PKIB: variants seen among roughly 807,000 people sequenced by gnomAD.
The protein encoded by PKIB is PKI-beta.
A neutral mutation model predicts 4.5 loss-of-function variants in PKIB; 2 were observed. That is an observed-to-expected ratio of 0.44 (90% CI 0.18 to 1.39). The LOEUF (loss-of-function observed/expected upper bound fraction) is 1.39. Among genes scored for constraint, PKIB ranks in the 40% most tolerant of loss-of-function variants. The pLI is 0.27. For synonymous variants in PKIB, 38 were observed against 36.0 expected (o/e 1.06, Z -0.20); for missense variants, 94 against 92.6 (o/e 1.02, Z -0.06).
intron 4 of PKIB, among the ~76,000 whole-genome samples, chr6:122,723,981 C>A (rs548442308): frequency 2.0e-5 from 3 of 152,232 alleles, no homozygotes; most frequent in Admixed American, 2.0e-4. Flanking sequence ...GTAGTACATG[C>A]TTAATAAATA....
chr6:122,688,505 T>G (rs1778183595), intron 3 of PKIB, among the ~76,000 whole-genome samples: 1 of 152,118 alleles, frequency 6.6e-6, no homozygotes. Context: ...CTGTTTTTTT[T>G]GGAATACTTT....
intron 2 of PKIB, among the ~76,000 whole-genome samples, chr6:122,519,458 C>A (rs1269172936): frequency 1.3e-5 from 2 of 152,144 alleles, no homozygotes; most frequent in African/African-American, 4.8e-5. Context: ...CCACATCCCC[C>A]ACCTCCGTCT....
chr6:122,560,659 A>G (rs371863686), intron 2 of PKIB, among the ~76,000 whole-genome samples: 12 of 152,014 alleles, frequency 7.9e-5, no homozygotes, highest in African/African-American at 2.7e-4. Flanking sequence ...CTGTGAATCC[A>G]TCTGGTCCTG....
At chr6:122,639,432 A>G (rs1394235737) in intron 2 of PKIB, among the ~76,000 whole-genome samples, 1 of 152,182 alleles carries the variant, frequency 6.6e-6, no homozygotes, top group African/African-American at 2.4e-5. Context: ...TCAATTCTTC[A>G]TTCCGTAAGT....
Position 122,521,586 on chromosome 6 carries a change from A to G in PKIB, c.-248+43647A>G, listed in dbSNP as rs535044164. Among the ~76,000 whole-genome samples, 5 of 152,236 alleles carry G rather than the reference A, an allele frequency of 3.3e-5. No individual in the cohort carries two copies. In the South Asian group the frequency reaches 1.0e-3, roughly 32 times the overall value. On this transcript the variant is annotated intron_variant, in intron 2 of 6. Transcript: ENST00000392491. Reference sequence around the variant, plus strand: ...TCCCAGCTACTCAGGAGGCTGAGGCAGGAGAATGGCATGAACACAGGAGGC... The same window carrying G: ...TCCCAGCTACTCAGGAGGCTGAGGCGGGAGAATGGCATGAACACAGGAGGC...
intron 1 of PKIB, among the ~76,000 whole-genome samples, chr6:122,627,427 A>G (rs1027207667): frequency 3.9e-5 from 6 of 152,186 alleles, no homozygotes; most frequent in African/African-American, 1.4e-4. Flanking sequence ...GATTTGATCA[A>G]TTGAGTGTAT....
intron 2 of PKIB, among the ~76,000 whole-genome samples, chr6:122,554,774 G>A (rs547976892): frequency 6.6e-6 from 1 of 152,134 alleles, no homozygotes; most frequent in African/African-American, 2.4e-5. Flanking sequence ...CAAGGCTGGG[G>A]CACCAAAAAA....
chr6:122,508,370 C>T lies in PKIB; in HGVS notation c.-248+30431C>T, dbSNP rs9482247. Among the ~76,000 whole-genome samples, 106 of 152,250 alleles carry T rather than the reference C, an allele frequency of 7.0e-4. 1 individual carries two copies. The highest frequency in any genetic ancestry group is 2.1e-3 in the African/African-American group (89 of 41,548). ...AAGGGTTAACACCAGTTTTTTGATG[C>T]GGTAGTTGTAGTACCTGGCACTGAG... is the stretch of plus-strand genomic sequence containing the variant. On this transcript the variant is annotated intron_variant, in intron 2 of 6. Coordinates refer to the PKIB transcript ENST00000392491.
intron 3 of PKIB, among the ~76,000 whole-genome samples, chr6:122,707,531 A>G (rs749715434): frequency 5.1e-4 from 78 of 152,062 alleles, no homozygotes; most frequent in Non-Finnish European, 8.1e-4. Flanking sequence ...TTTTATACCC[A>G]TTTTATTTAT....
chr6:122,702,972 A>G (rs972844902), intron 3 of PKIB, among the ~76,000 whole-genome samples: 2 of 152,198 alleles, frequency 1.3e-5, no homozygotes, highest in African/African-American at 2.4e-5. Flanking sequence ...TTTGGAATAC[A>G]TTCTACAACA....
chr6:122,666,378 A>G (rs1009358714), intron 2 of PKIB, among the ~76,000 whole-genome samples: 1 of 152,240 alleles, frequency 6.6e-6, no homozygotes, highest in Non-Finnish European at 1.5e-5. Flanking sequence ...TAATAGCAGT[A>G]TCTTGACTGA....
chr6:122,540,104 G>A (rs556862397), intron 2 of PKIB, among the ~76,000 whole-genome samples: 15 of 151,834 alleles, frequency 9.9e-5, no homozygotes, highest in African/African-American at 3.6e-4. Context: ...GCGATCTATT[G>A]ATTTTGTTGA....
chr6:122,548,043 C>G (rs1246956504), intron 2 of PKIB, among the ~76,000 whole-genome samples: 1 of 152,196 alleles, frequency 6.6e-6, no homozygotes, highest in East Asian at 1.9e-4. Context: ...TAGGCTCCAT[C>G]TACACACACC....
chr6:122,543,289 C>T (rs955756868), intron 2 of PKIB, among the ~76,000 whole-genome samples: 11 of 152,032 alleles, frequency 7.2e-5, no homozygotes, highest in African/African-American at 2.4e-4. Flanking sequence ...CCATCTTCTG[C>T]ATCGCTCACG....
chr6:122,618,368 T>C (rs1775078107), intron 1 of PKIB, among the ~76,000 whole-genome samples: 1 of 152,126 alleles, frequency 6.6e-6, no homozygotes, highest in African/African-American at 2.4e-5. Flanking sequence ...CAACCCTTTA[T>C]CATTACATAA....
chr6:122,638,315 C>T (rs1776003724), intron 2 of PKIB, among the ~76,000 whole-genome samples: 1 of 152,146 alleles, frequency 6.6e-6, no homozygotes, highest in Non-Finnish European at 1.5e-5. Context: ...CTAACACTAA[C>T]AAAGTAGCAA....
chr6:122,700,139 G>A (rs1182141124), intron 3 of PKIB, among the ~76,000 whole-genome samples: 1 of 150,368 alleles, frequency 6.7e-6, no homozygotes, highest in Non-Finnish European at 1.5e-5. Context: ...TTCCAATTGG[G>A]TCAAATTGTA....
At chr6:122,678,470 AGTTT>A (rs1283153114) in intron 3 of PKIB, among the ~76,000 whole-genome samples, 2 of 151,444 alleles carry the variant, frequency 1.3e-5, no homozygotes, top group Non-Finnish European at 2.9e-5. Context: ...CCATCATCTT[AGTTT>A]GTTTCTTTTT....
At chr6:122,543,373 G>A (rs113451543) in intron 2 of PKIB, among the ~76,000 whole-genome samples, 1 of 47,086 alleles carries the variant, frequency 2.1e-5, no homozygotes, top group Non-Finnish European at 4.6e-5. Flanking sequence ...TTTTTTTTTT[G>A]TTTGTTTTTA....
Sources: gnomAD v4.1 joint callset for allele counts (sites outside exome capture counted in the v4.1 genomes callset) on GRCh38, gnomAD v4.1.1 for gene constraint, MANE v1.5 for transcripts, NCBI Gene and HGNC (gene_info 2026-07-23, HGNC 2026-07-21) for gene names.